The following THRAP3 variants were observed in gnomAD, a reference collection of about 807,000 sequenced individuals.
The protein encoded by THRAP3 is thyroid hormone receptor-associated protein 3.
In THRAP3, 16 loss-of-function variants were observed where a neutral mutation model predicts 101.0. The ratio of observed to expected loss-of-function variants is 0.16; its 90% CI spans 0.11 to 0.24. THRAP3 has a LOEUF of 0.24. Among genes scored for constraint, THRAP3 ranks in the 10% least tolerant of loss-of-function variants. The pLI, the probability that THRAP3 is intolerant of heterozygous loss-of-function variation, is 1.00. For missense variants in THRAP3, 989 were observed against 1,202.7 expected (o/e 0.82, Z 2.63); for synonymous variants, 407 against 422.6 (o/e 0.96, Z 0.45).
In THRAP3 at chr1:36,286,694, G is replaced by A. The variant is rs1645799339; in HGVS notation, c.464G>A (p.Arg155Lys). The change falls in exon 4 of 12, where the codon AGG becomes AAG. Residue 155 changes from arginine (R) to lysine (K), a missense_variant. Arg to Lys is a conservative substitution (Grantham distance 26). Coordinates refer to ENST00000354618, the MANE Select transcript of THRAP3 (RefSeq NM_005119.4). The surrounding 1 kb of genome is among the most constrained non-coding windows in gnomAD (Gnocchi z 5.5). ...NSDKSSSDRS[R>K]RSSSSRSSSN... ...GATAAGTCGTCTTCTGACCGGTCAAGGCGCTCCTCATCCTCCCGTTCTTCC... is the reference window on the plus strand; with the variant it reads ...GATAAGTCGTCTTCTGACCGGTCAAAGCGCTCCTCATCCTCCCGTTCTTCC... 1 of 1,614,180 alleles carries A rather than the reference G, an allele frequency of 6.2e-7. No homozygotes were observed. Among genetic ancestry groups the A allele is most frequent in the Non-Finnish European group, 8.5e-7 (1 of 1,180,036 alleles).
At chr1:36,297,141 A>G (rs1310767887) in intron 9 of THRAP3, among the ~76,000 whole-genome samples, 2 of 152,216 alleles carry the variant, frequency 1.3e-5, no homozygotes, top group African/African-American at 2.4e-5. Context: ...TTGTCAAGTA[A>G]TAACACTGTT....
intron 1 of THRAP3, among the ~76,000 whole-genome samples, chr1:36,237,468 CAAAAA>C (rs1222944821): frequency 3.9e-5 from 2 of 50,954 alleles, no homozygotes; most frequent in Non-Finnish European, 7.8e-5. Flanking sequence ...AACTTCATCT[CAAAAA>C]AAAAAAAAAA....
chr1:36,294,169 G>A, intron 8 of THRAP3: 5 of 1,257,874 alleles, frequency 4.0e-6, no homozygotes, highest in African/African-American at 3.1e-5. Context: ...GTGAGCTTGA[G>A]AAAAAAAAGA....
chr1:36,246,135 A>T (rs548390049), intron 1 of THRAP3, among the ~76,000 whole-genome samples: 45 of 152,278 alleles, frequency 3.0e-4, no homozygotes, highest in African/African-American at 9.9e-4. Flanking sequence ...CTGGTTGTAG[A>T]GCATGTAAAT....
rs192793514 is a variant in THRAP3 at position 36,265,924 on chromosome 1, C to T, written c.-32+6440C>T. On this transcript the variant is annotated intron_variant, in intron 2 of 11. Coordinates refer to ENST00000354618, the MANE Select transcript of THRAP3 (RefSeq NM_005119.4). ...ATCCCAACACTTTGGGAGGCTGAGG[C>T]GGGCGGATCATTTGAGGTCAGGAGT... Among the ~76,000 whole-genome samples, 1,185 of 151,938 alleles carry T rather than the reference C, an allele frequency of 7.8e-3. 10 individuals carry two copies. The highest frequency in any genetic ancestry group is 0.027 in the African/African-American group (1,128 of 41,428).
intron 1 of THRAP3, among the ~76,000 whole-genome samples, chr1:36,245,983 C>A (rs1645226449): frequency 6.6e-6 from 1 of 151,824 alleles, no homozygotes; most frequent in South Asian, 2.1e-4. Context: ...CATGTATTAA[C>A]CATTTAATTA....
At chr1:36,257,295 C>G (rs1284593237) in intron 1 of THRAP3, among the ~76,000 whole-genome samples, 1 of 152,156 alleles carries the variant, frequency 6.6e-6, no homozygotes, top group Non-Finnish European at 1.5e-5. Context: ...TCCAGGTGCC[C>G]TCATCTGCTC....
rs947776134 is a variant in THRAP3, at chr1:36,282,514, A to G, written c.-31-19A>G. On this transcript the variant is annotated intron_variant, in intron 2 of 11. Coordinates refer to ENST00000354618, the MANE Select transcript of THRAP3 (RefSeq NM_005119.4). ...CAAAGGAACTCACTCATTTGTTCTA[A>G]TGCATTTTCTTACATTAGGTGTAAT... 6.3e-7 allele frequency: 1 copy of G among 1,581,136 alleles called. No homozygotes were observed.
rs1365581909 is a variant in THRAP3 at position 36,286,418 on chromosome 1, A to G, written c.188A>G (p.Asn63Ser). The change falls in exon 4 of 12, where the codon AAC (asparagine) becomes AGC (serine). Residue 63 changes from asparagine (N) to serine (S), a missense_variant. Physicochemically the swap from Asn to Ser is conservative, Grantham distance 46. Transcript: ENST00000354618. This position sits in a 1 kb window ranked among gnomAD's most constrained non-coding sequence, Gnocchi z 5.5. ...TCTCCAGCTCATAACAGAGAAAGAA[A>G]CCACCCAAGAGTATATCAGAATCGG... ...SYSPAHNRER[N>S]HPRVYQNRDF... 6.2e-7 allele frequency: 1 copy of G among 1,612,496 alleles called. No homozygotes were observed. The highest frequency in any genetic ancestry group is 8.5e-7 in the Non-Finnish European group (1 of 1,179,580).
chr1:36,244,070 G>C (rs1174879934), intron 1 of THRAP3, among the ~76,000 whole-genome samples: 2 of 151,986 alleles, frequency 1.3e-5, no homozygotes, highest in Non-Finnish European at 2.9e-5. Flanking sequence ...GGGCAGAGGG[G>C]CTCCTTGTGA....
intron 1 of THRAP3, among the ~76,000 whole-genome samples, chr1:36,241,022 C>T (rs576643730): frequency 1.8e-4 from 28 of 151,970 alleles, no homozygotes; most frequent in Admixed American, 1.7e-3. Flanking sequence ...CCGGCTAACA[C>T]GGTGAAACCC....
At chr1:36,268,806 A>G (rs1426454946) in intron 2 of THRAP3, among the ~76,000 whole-genome samples, 2 of 151,908 alleles carry the variant, frequency 1.3e-5, no homozygotes, top group Non-Finnish European at 2.9e-5. Context: ...GCTCACTGCA[A>G]GCTCCACCTC....
At chr1:36,300,835 C>A in intron 9 of THRAP3, 51 bp from the exon 10 acceptor site, 1 of 1,585,064 alleles carries the variant, frequency 6.3e-7, no homozygotes, top group Non-Finnish European at 8.6e-7. Flanking sequence ...CCCAGCCAAG[C>A]AGTGTCCCTT....
At chr1:36,274,625 CTTTTTTTTTTT>C (rs573419051) in intron 2 of THRAP3, among the ~76,000 whole-genome samples, 2 of 59,320 alleles carry the variant, frequency 3.4e-5, no homozygotes, top group African/African-American at 1.3e-4. Context: ...ATTAATTGGG[CTTTTTTTTTTT>C]TTTTTTTTTT....
chr1:36,238,237 A>G (rs1413250238), intron 1 of THRAP3, among the ~76,000 whole-genome samples: 2 of 152,108 alleles, frequency 1.3e-5, no homozygotes, highest in African/African-American at 2.4e-5. Context: ...TCAGAGTGCT[A>G]GGATTATATG....
chr1:36,227,180 A>G (rs1644971629), intron 1 of THRAP3, among the ~76,000 whole-genome samples: 1 of 152,192 alleles, frequency 6.6e-6, no homozygotes, highest in Non-Finnish European at 1.5e-5. Flanking sequence ...GATGAGTTGG[A>G]GAGAGAAGGT....
At chr1:36,279,389 AC>A (rs1008728979) in intron 2 of THRAP3, among the ~76,000 whole-genome samples, 5 of 152,214 alleles carry the variant, frequency 3.3e-5, no homozygotes, top group African/African-American at 1.2e-4. Flanking sequence ...GCAAGAGTGA[AC>A]CCAGAGAACC....
chr1:36,285,784 C>T (rs985675050), intron 3 of THRAP3, among the ~76,000 whole-genome samples: 7 of 152,224 alleles, frequency 4.6e-5, no homozygotes, highest in African/African-American at 1.7e-4. Flanking sequence ...TGAGCAGATG[C>T]ATTCTCCCAA....
chr1:36,215,563 T>C, the THRAP3 span, among the ~76,000 whole-genome samples: 1 of 152,224 alleles, frequency 6.6e-6, no homozygotes, highest in African/African-American at 2.4e-5. Flanking sequence ...GACCTCCGGA[T>C]TCTATACCAA....
Sources: gnomAD v4.1 joint callset for allele counts (sites outside exome capture counted in the v4.1 genomes callset) on GRCh38, gnomAD v4.1.1 for gene constraint, Gnocchi (gnomAD v3.1) non-coding constraint, MANE v1.5 for transcripts, NCBI Gene and HGNC (gene_info 2026-07-23, HGNC 2026-07-21) for gene names.